Variants in GREB1L observed in about 807,000 individuals in gnomAD.
The protein encoded by GREB1L is GREB1-like protein.
Under a neutral mutation model 200.8 loss-of-function variants are expected in GREB1L, and 17 were observed. The observed-to-expected ratio is 0.08, with a 90% CI of 0.06 to 0.13. The LOEUF is 0.13. Ranked by LOEUF, GREB1L falls within the 10% of genes least tolerant of loss-of-function variation. GREB1L has a pLI of 1.00. For missense variants in GREB1L, 1,657 were observed against 2,367.7 expected (o/e 0.70, Z 6.23); for synonymous variants, 789 against 893.0 (o/e 0.88, Z 2.08).
intron 7 of GREB1L, among the ~76,000 whole-genome samples, chr18:21,426,973 CAAA>C (rs56776768): frequency 7.2e-5 from 6 of 83,810 alleles, no homozygotes; most frequent in African/African-American, 1.9e-4. Context: ...AAAAAAAAAA[CAAA>C]AAAAAAAAAA....
chr18:21,512,480 G>C (rs1199485820), intron 27 of GREB1L, among the ~76,000 whole-genome samples: 1 of 152,070 alleles, frequency 6.6e-6, no homozygotes, highest in African/African-American at 2.4e-5. Context: ...TCACAGTTGA[G>C]GTATAGAAAT....
intron 7 of GREB1L, among the ~76,000 whole-genome samples, chr18:21,416,180 A>G (rs1040384867): frequency 1.3e-5 from 2 of 151,926 alleles, no homozygotes; most frequent in African/African-American, 4.8e-5. Flanking sequence ...GGATGGGATT[A>G]ACAACAGGTT....
At chr18:21,472,940 G>A (rs879090047) in intron 15 of GREB1L, 91 bp from the exon 16 acceptor site, 1 of 819,476 alleles carries the variant, frequency 1.2e-6, no homozygotes, top group Non-Finnish European at 1.8e-6. Context: ...TTGGTACCCA[G>A]TGTCAGCTGA....
intron 1 of GREB1L, among the ~76,000 whole-genome samples, chr18:21,333,219 C>T (rs1174105220): frequency 6.6e-6 from 1 of 152,180 alleles, no homozygotes; most frequent in East Asian, 1.9e-4. Flanking sequence ...TGCACATATA[C>T]ACACTCGCAT....
chr18:21,310,379 AT>A (rs1214721126), intron 1 of GREB1L, among the ~76,000 whole-genome samples: 9 of 152,158 alleles, frequency 5.9e-5, no homozygotes, highest in Non-Finnish European at 1.2e-4. Flanking sequence ...AGGCTGCTGC[AT>A]TTTTTTACAT....
chr18:21,442,760 A>G (rs1598847246), intron 10 of GREB1L, among the ~76,000 whole-genome samples: 2 of 152,074 alleles, frequency 1.3e-5, no homozygotes, highest in East Asian at 1.9e-4. Context: ...CTTGCTATTA[A>G]TCAATGAATT....
chr18:21,430,351 T>C (rs767185674), intron 7 of GREB1L, among the ~76,000 whole-genome samples: 16 of 151,922 alleles, frequency 1.1e-4, no homozygotes, highest in Non-Finnish European at 1.6e-4. Flanking sequence ...TCTTTTTTTT[T>C]CATTGGTCAA....
At chr18:21,408,066 C>T (rs1279264426) in intron 7 of GREB1L, among the ~76,000 whole-genome samples, 1 of 152,038 alleles carries the variant, frequency 6.6e-6, no homozygotes. Flanking sequence ...AGCAGCATGA[C>T]TATAGTTAAC....
chr18:21,310,351 C>T (rs1331761146), intron 1 of GREB1L, among the ~76,000 whole-genome samples: 3 of 152,198 alleles, frequency 2.0e-5, no homozygotes, highest in African/African-American at 7.2e-5. Context: ...AGGAGAATCA[C>T]TTGAGCCCAA....
chr18:21,281,510 T>G (rs1361748060), intron 1 of GREB1L, among the ~76,000 whole-genome samples: 1 of 152,216 alleles, frequency 6.6e-6, no homozygotes, highest in Non-Finnish European at 1.5e-5. Context: ...CTCATGTATC[T>G]TTTTGTTAAA....
intron 1 of GREB1L, among the ~76,000 whole-genome samples, chr18:21,318,116 A>C (rs1006644352): frequency 2.0e-5 from 3 of 151,890 alleles, no homozygotes; most frequent in Non-Finnish European, 4.4e-5. Flanking sequence ...AAAAAAAAAA[A>C]AAAAAAAAAC....
At chr18:21,312,188 G>T (rs2038802332) in intron 1 of GREB1L, among the ~76,000 whole-genome samples, 1 of 152,162 alleles carries the variant, frequency 6.6e-6, no homozygotes, top group Non-Finnish European at 1.5e-5. Context: ...GTATTCCATG[G>T]TGTATGTTTA....
At chr18:21,261,151 T>C (rs982385312) in intron 1 of GREB1L, among the ~76,000 whole-genome samples, 5 of 152,064 alleles carry the variant, frequency 3.3e-5, no homozygotes, top group African/African-American at 1.2e-4. Flanking sequence ...CACATATCTA[T>C]ATACTATGTA....
chr18:21,335,637 G>A (rs2039173097), intron 1 of GREB1L, among the ~76,000 whole-genome samples: 2 of 151,404 alleles, frequency 1.3e-5, no homozygotes, highest in South Asian at 2.1e-4. Flanking sequence ...CTTGATTATA[G>A]CTATAATGTG....
chr18:21,326,374 C>G (rs1002055220), intron 1 of GREB1L, among the ~76,000 whole-genome samples: 3 of 152,120 alleles, frequency 2.0e-5, no homozygotes, highest in African/African-American at 7.2e-5. Flanking sequence ...ATTTATTTCT[C>G]TCTTTTAGGA....
Position 21,525,262 on chromosome 18 carries a change from T to C in GREB1L, c.*2441T>C, listed in dbSNP as rs910411761. ...TGATTTTTAGAAAATGGGGCACCCG[T>C]GTTATTACTGTAAAATGTTCTTAAC... On this transcript the variant is annotated 3_prime_UTR_variant, in exon 33 of 33. Transcript: ENST00000424526. 1.3e-5 allele frequency: 2 copies of C among 152,186 alleles called. No homozygotes were observed. The highest frequency in any genetic ancestry group is 4.8e-5 in the African/African-American group (2 of 41,446). 9.4% of individuals were successfully genotyped at this position (152,186 alleles called of 1,614,324 possible).
chr18:21,304,457 A>C (rs1315943308), intron 1 of GREB1L, among the ~76,000 whole-genome samples: 1 of 152,126 alleles, frequency 6.6e-6, no homozygotes, highest in Admixed American at 6.5e-5. Context: ...AGGACATTTA[A>C]AGACACAGTC....
intron 1 of GREB1L, among the ~76,000 whole-genome samples, chr18:21,267,257 C>G (rs1465779279): frequency 2.7e-5 from 4 of 146,170 alleles, no homozygotes; most frequent in Non-Finnish European, 6.0e-5. Context: ...TCTTGGCTCA[C>G]TGCAACCTCT....
intron 15 of GREB1L, among the ~76,000 whole-genome samples, chr18:21,459,156 T>C (rs1391701183): frequency 6.6e-6 from 1 of 152,050 alleles, no homozygotes; most frequent in African/African-American, 2.4e-5. Flanking sequence ...ATTTGTCTGC[T>C]GATATAGAGA....
Sources: allele counts gnomAD v4.1 joint callset (sites outside exome capture counted in the v4.1 genomes callset), GRCh38; gene constraint gnomAD v4.1.1; transcripts MANE v1.5; gene names NCBI Gene and HGNC (gene_info 2026-07-23, HGNC 2026-07-21).